CLIP1: variants seen among roughly 807,000 people sequenced by gnomAD.
CLIP1 encodes the protein CAP-Gly domain-containing linker protein 1.
CLIP1 carries 66 observed loss-of-function variants against 161.6 expected under a neutral mutation model. That is an observed-to-expected ratio of 0.41 (90% confidence interval 0.33 to 0.50). CLIP1 has a LOEUF of 0.50. Ranked by LOEUF, CLIP1 falls within the 20% of genes least tolerant of loss-of-function variation. CLIP1 has a pLI of 0.27. For missense variants in CLIP1, 1,376 were observed against 1,702.0 expected, an observed-to-expected ratio of 0.81 and a Z score of 3.37; for synonymous variants, 598 against 626.2, an observed-to-expected ratio of 0.96 and a Z score of 0.67.
At chr12:122,373,183 G>C (rs1954539901) in intron 3 of CLIP1, among the ~76,000 whole-genome samples, 1 of 152,140 alleles carries the variant, frequency 6.6e-6, no homozygotes, top group African/African-American at 2.4e-5. Context: ...GCAGCACTTT[G>C]GGAGGCAGAG....
At chr12:122,282,043 C>T (rs933306174) in intron 21 of CLIP1, among the ~76,000 whole-genome samples, 1 of 152,196 alleles carries the variant, frequency 6.6e-6, no homozygotes, top group Non-Finnish European at 1.5e-5. Flanking sequence ...TCATCACACA[C>T]ACACACAACC....
intron 1 of CLIP1, among the ~76,000 whole-genome samples, chr12:122,383,846 A>C (rs1566204084): frequency 6.6e-6 from 1 of 151,984 alleles, no homozygotes; most frequent in Non-Finnish European, 1.5e-5. Context: ...TGCAAAACAA[A>C]AAAAAAAAGA....
chr12:122,316,720 T>C, intron 19 of CLIP1, 29 bp downstream of exon 19: 2 of 1,277,914 alleles, frequency 1.6e-6, no homozygotes, highest in Middle Eastern at 2.0e-4. Flanking sequence ...ATAAATTCCA[T>C]ATTTTTTTCT....
chr12:122,321,447 T>C (rs1302418373), intron 17 of CLIP1, among the ~76,000 whole-genome samples: 2 of 152,104 alleles, frequency 1.3e-5, no homozygotes, highest in Non-Finnish European at 2.9e-5. Context: ...GGTTTCACCA[T>C]GTTGGTTAGG....
intron 5 of CLIP1, among the ~76,000 whole-genome samples, chr12:122,357,133 C>T (rs1305506859): frequency 2.6e-5 from 4 of 152,000 alleles, no homozygotes; most frequent in Non-Finnish European, 5.9e-5. Flanking sequence ...TGCCCGGCCG[C>T]CATCTCATCT....
intron 15 of CLIP1, among the ~76,000 whole-genome samples, chr12:122,328,883 A>G (rs1468115417): frequency 6.6e-6 from 1 of 152,180 alleles, no homozygotes. Context: ...GCCTGGGCAC[A>G]AGAAATTTTA....
At chr12:122,318,289 C>T (rs576955068) in intron 18 of CLIP1, among the ~76,000 whole-genome samples, 1 of 152,302 alleles carries the variant, frequency 6.6e-6, no homozygotes, top group South Asian at 2.1e-4. Flanking sequence ...AATCCCAGCC[C>T]TTTGGGAGGC....
intron 1 of CLIP1, among the ~76,000 whole-genome samples, chr12:122,407,390 T>C (rs920544338): frequency 2.0e-5 from 3 of 152,158 alleles, no homozygotes; most frequent in East Asian, 1.9e-4. Flanking sequence ...AGCAGTGAGA[T>C]CAAAGAGTCA....
chr12:122,378,034 G>A lies in CLIP1; in HGVS notation c.86-74C>T, dbSNP rs1029043938. 1.1e-5 allele frequency: 14 copies of A among 1,322,316 alleles called. No individual in the cohort carries two copies. The South Asian group carries it at 1.3e-4, about 12-fold the overall frequency. 81.9% of individuals were successfully genotyped at this position (1,322,316 alleles called of 1,614,324 possible). On this transcript the variant is annotated intron_variant, in intron 2 of 25. Coordinates refer to ENST00000620786, the MANE Select transcript of CLIP1 (RefSeq NM_001247997.2). ...ACCTCTAACTTAAAGAAAAACTAGA[G>A]AAAGCCAACAGCCCACAGGAGTAGC...
chr12:122,383,559 G>T (rs1370002801), intron 1 of CLIP1, among the ~76,000 whole-genome samples: 1 of 152,194 alleles, frequency 6.6e-6, no homozygotes, highest in African/African-American at 2.4e-5. Context: ...CTAACGCGGA[G>T]AACTGTGACC....
chr12:122,358,014 A>G (rs1441023529), intron 5 of CLIP1, among the ~76,000 whole-genome samples: 3 of 152,252 alleles, frequency 2.0e-5, no homozygotes, highest in African/African-American at 7.2e-5. Context: ...AAGGTGGGGA[A>G]AAGATTGAGA....
intron 1 of CLIP1, among the ~76,000 whole-genome samples, chr12:122,409,412 C>T (rs1268840955): frequency 1.3e-5 from 2 of 150,946 alleles, no homozygotes; most frequent in Middle Eastern, 3.5e-3. Flanking sequence ...AGGCACGAGC[C>T]ACCACGCCCA....
At chr12:122,328,623 C>G (rs1314310136) in intron 15 of CLIP1, among the ~76,000 whole-genome samples, 197 bp from the exon 16 acceptor site, 1 of 152,032 alleles carries the variant, frequency 6.6e-6, no homozygotes, top group Non-Finnish European at 1.5e-5. Flanking sequence ...CTCGCTCTGT[C>G]GCACAGGCTG....
chr12:122,309,997 G>A, intron 19 of CLIP1, 115 bp from the exon 20 acceptor site: 3 of 1,147,620 alleles, frequency 2.6e-6, no homozygotes, highest in Non-Finnish European at 3.7e-6. Context: ...TGCCTGATAG[G>A]ATCTATAATA....
chr12:122,293,540 G>A (rs138767097), intron 20 of CLIP1, among the ~76,000 whole-genome samples: 218 of 151,710 alleles, frequency 1.4e-3, no homozygotes, highest in Admixed American at 2.6e-3. Context: ...TTGCAATGGC[G>A]CAATCTCGGC....
At chr12:122,375,422 T>C (rs1013649981) in intron 3 of CLIP1, among the ~76,000 whole-genome samples, 4 of 152,066 alleles carry the variant, frequency 2.6e-5, no homozygotes, top group Non-Finnish European at 5.9e-5. Context: ...GTTCAACCAA[T>C]TCTCCTGCCT....
At position 122,338,590 on chromosome 12, in the gene CLIP1, G is replaced by A. The variant is rs113647613; in HGVS notation, c.2452-1842C>T. On this transcript the variant is annotated intron_variant, in intron 11 of 25. Transcript: ENST00000620786. Reference sequence around the variant, plus strand: ...AAATGAGCCAGGCATGATGGCGGGCGCCTGTAATCCTGGCTACTCGGGAGG... The same window carrying A: ...AAATGAGCCAGGCATGATGGCGGGCACCTGTAATCCTGGCTACTCGGGAGG... 6.0e-4 allele frequency among the ~76,000 whole-genome samples: 91 copies of A among 151,906 alleles called. 1 individual carries two copies. Among genetic ancestry groups the A allele is most frequent in the Non-Finnish European group, 1.1e-3 (77 of 67,936 alleles).
At chr12:122,278,556 T>C (rs185036222) in intron 23 of CLIP1, 11 of 525,292 alleles carry the variant, frequency 2.1e-5, no homozygotes, top group African/African-American at 1.7e-4. Flanking sequence ...CCAGTCTGGA[T>C]GGCAGCAGGC....
At chr12:122,294,103 C>T (rs1290819085) in intron 20 of CLIP1, among the ~76,000 whole-genome samples, 2 of 150,038 alleles carry the variant, frequency 1.3e-5, no homozygotes, top group African/African-American at 2.4e-5. Context: ...CCGAGGCGGG[C>T]GGATCACAAG....
Sources: gnomAD v4.1 joint callset for allele counts (sites outside exome capture counted in the v4.1 genomes callset) on GRCh38, gnomAD v4.1.1 for gene constraint, MANE v1.5 for transcripts, NCBI Gene and HGNC (gene_info 2026-07-23, HGNC 2026-07-21) for gene names.